Variants in RPS6KA2 observed in about 807,000 individuals in gnomAD.
The protein encoded by RPS6KA2 is ribosomal protein S6 kinase A2.
Under a neutral mutation model 91.8 loss-of-function variants are expected in RPS6KA2, and 42 were observed. That is an observed-to-expected ratio of 0.46 (90% CI 0.36 to 0.59). RPS6KA2 has a LOEUF of 0.59. RPS6KA2 is among the 20% of genes least tolerant of loss of function. RPS6KA2 has a pLI of 0.00. For missense variants in RPS6KA2, 798 were observed against 978.5 expected (o/e 0.82, Z 2.46); for synonymous variants, 414 against 393.6 (o/e 1.05, Z -0.61).
chr6:166,436,900 G>T (rs1009717696), intron 14 of RPS6KA2, among the ~76,000 whole-genome samples: 1 of 152,128 alleles, frequency 6.6e-6, no homozygotes, highest in Non-Finnish European at 1.5e-5. Context: ...CCCCTGACCC[G>T]GGAGAATTAA....
intron 2 of RPS6KA2, among the ~76,000 whole-genome samples, chr6:166,660,305 T>C (rs755345117): frequency 2.6e-5 from 4 of 151,758 alleles, no homozygotes; most frequent in Non-Finnish European, 5.9e-5. Flanking sequence ...TCTCATTGTG[T>C]GTGTGCATGT....
intron 1 of RPS6KA2, among the ~76,000 whole-genome samples, chr6:166,568,069 T>C (rs112578941): frequency 0.033 from 4,969 of 152,262 alleles, 277 homozygotes; most frequent in African/African-American, 0.11. Context: ...AATCGGCCCT[T>C]GGACATCCTG....
chr6:166,488,743 G>T (rs75127424), intron 10 of RPS6KA2, 90 bp downstream of exon 10: 17,767 of 990,462 alleles, frequency 0.018, 335 homozygotes, highest in African/African-American at 0.072. Flanking sequence ...CATTGGGCCG[G>T]AGCAGGAGGG....
At chr6:166,815,719 A>T (rs1489783241) in intron 2 of RPS6KA2, among the ~76,000 whole-genome samples, 1 of 152,226 alleles carries the variant, frequency 6.6e-6, no homozygotes, top group Non-Finnish European at 1.5e-5. Flanking sequence ...GGAATTAAAG[A>T]GGAAGAGACA....
At chr6:166,834,830 A>ATTATTTAT (rs34377390) in intron 2 of RPS6KA2, among the ~76,000 whole-genome samples, 1,027 of 65,618 alleles carry the variant, frequency 0.016, 41 homozygotes, top group East Asian at 0.15. Flanking sequence ...ATGGCGTCCT[A>ATTATTTAT]TTATTTATTT....
chr6:166,471,195 C>T (rs1044986514), intron 10 of RPS6KA2, among the ~76,000 whole-genome samples: 3 of 152,224 alleles, frequency 2.0e-5, no homozygotes, highest in Admixed American at 6.5e-5. Context: ...CGGGGCTGCC[C>T]GGGGATGCTG....
chr6:166,850,302 A>G (rs1780707000), intron 2 of RPS6KA2, among the ~76,000 whole-genome samples: 1 of 150,112 alleles, frequency 6.7e-6, no homozygotes, highest in African/African-American at 2.5e-5. Flanking sequence ...CACACACAGC[A>G]TTATCTATGG....
chr6:166,825,157 G>C lies in RPS6KA2; in HGVS notation c.123+33043C>G, dbSNP rs1780021708. ...TGATCAGGAATCCATTTCAAAGCCA[G>C]AGCAGAGCGGGCTCCCCACAAATGG... is the stretch of plus-strand genomic sequence containing the variant. On this transcript the variant is annotated intron_variant, in intron 2 of 21. Transcript: ENST00000503859. The surrounding 1 kb of genome is among the most constrained non-coding windows in gnomAD (Gnocchi z 4.1). 2.0e-5 allele frequency among the ~76,000 whole-genome samples: 3 copies of C among 152,234 alleles called. No homozygotes were observed. In the South Asian group the frequency reaches 6.2e-4, roughly 31 times the overall value.
intron 2 of RPS6KA2, among the ~76,000 whole-genome samples, chr6:166,710,822 A>G (rs1400224985): frequency 1.3e-5 from 2 of 152,130 alleles, no homozygotes; most frequent in Non-Finnish European, 2.9e-5. Flanking sequence ...CCTCATGTGT[A>G]CTAGACCTGA....
At chr6:166,507,106 G>C (rs1476675888) in intron 5 of RPS6KA2, among the ~76,000 whole-genome samples, 3 of 151,980 alleles carry the variant, frequency 2.0e-5, no homozygotes, top group African/African-American at 7.3e-5. Context: ...CGATGCTCCC[G>C]AACAGCCCCA....
chr6:166,736,062 C>G lies in RPS6KA2; in HGVS notation c.123+122138G>C, dbSNP rs539849468. ...AGACCCCTCGACCAATGCAGAACAG[C>G]TGATTTTCTAGTTATTTATCACCTA... is the stretch of plus-strand genomic sequence containing the variant. On this transcript the variant is annotated intron_variant, in intron 2 of 21. Transcript: ENST00000503859. 1.1e-4 allele frequency among the ~76,000 whole-genome samples: 17 copies of G among 152,290 alleles called. No homozygotes were observed. In the South Asian group the frequency reaches 2.7e-3, roughly 24 times the overall value.
chr6:166,567,208 C>A lies in RPS6KA2; in HGVS notation c.100-28424G>T, dbSNP rs543150515. 6.6e-5 allele frequency among the ~76,000 whole-genome samples: 10 copies of A among 152,276 alleles called. No individual in the cohort carries two copies. The East Asian group carries it at 1.7e-3, about 26-fold the overall frequency. On this transcript the variant is annotated intron_variant, in intron 1 of 20. Coordinates refer to ENST00000265678, the MANE Select transcript of RPS6KA2 (RefSeq NM_021135.6). The stretch of plus-strand genomic sequence containing the variant: ...CGGCCATGAGTCACATCCATGGTGG[C>A]AAATCGGATGTTCTTTCCTAAGTGG...
In RPS6KA2 at chr6:166,827,256, CAAAAAAAAAAAAAA is replaced by C. The variant is rs56296433; in HGVS notation, c.123+30930_123+30943del. ...GCACAAAGGCCATCACAACCTTATA[CAAAAAAAAAAAAAA>C]AAAAAAAAAAAAAAAAATGCTTCTG... On this transcript the variant is annotated intron_variant, in intron 2 of 21. Coordinates refer to the RPS6KA2 transcript ENST00000503859. 5.1e-3 allele frequency among the ~76,000 whole-genome samples: 481 copies of C among 94,478 alleles called. 3 individuals are homozygous for C. Among genetic ancestry groups the C allele is most frequent in the African/African-American group, 0.015 (363 of 23,690 alleles). The allele number at this position is 94,478 out of a possible 152,430, so 62.0% of individuals were successfully genotyped here.
chr6:166,452,263 T>A (rs1192694391), intron 12 of RPS6KA2, among the ~76,000 whole-genome samples: 7 of 152,138 alleles, frequency 4.6e-5, no homozygotes, highest in African/African-American at 1.7e-4. Context: ...AAATTAAAAA[T>A]TTTGAAAGTA....
At chr6:166,618,843 C>T (rs944842190) in intron 1 of RPS6KA2, among the ~76,000 whole-genome samples, 4 of 152,228 alleles carry the variant, frequency 2.6e-5, no homozygotes, top group Non-Finnish European at 5.9e-5. Flanking sequence ...GCCTTGACAC[C>T]GCAGTACGAC....
intron 1 of RPS6KA2, among the ~76,000 whole-genome samples, chr6:166,858,754 G>C (rs1536644): frequency 6.6e-6 from 1 of 152,164 alleles, no homozygotes; most frequent in Non-Finnish European, 1.5e-5. Flanking sequence ...CCCATAAAAC[G>C]TAAAGCAAGT....
intron 1 of RPS6KA2, among the ~76,000 whole-genome samples, chr6:166,625,818 T>C (rs1380031023): frequency 6.6e-6 from 1 of 152,240 alleles, no homozygotes; most frequent in Admixed American, 6.5e-5. Flanking sequence ...ATACTGATCC[T>C]ATCTAGTACT....
chr6:166,754,667 T>TG (rs1418132993), intron 2 of RPS6KA2, among the ~76,000 whole-genome samples: 3 of 152,100 alleles, frequency 2.0e-5, no homozygotes, highest in Admixed American at 2.0e-4. Context: ...TTAGAAACCC[T>TG]GGGGGAGCAG....
intron 10 of RPS6KA2, among the ~76,000 whole-genome samples, chr6:166,487,492 G>T (rs1413528430): frequency 6.6e-6 from 1 of 152,108 alleles, no homozygotes; most frequent in Non-Finnish European, 1.5e-5. Flanking sequence ...GTGGACAAAG[G>T]CGCTGACAGT....
Sources: allele counts gnomAD v4.1 joint callset (sites outside exome capture counted in the v4.1 genomes callset), GRCh38; gene constraint gnomAD v4.1.1; non-coding constraint Gnocchi (gnomAD v3.1); transcripts MANE v1.5; gene names NCBI Gene and HGNC (gene_info 2026-07-23, HGNC 2026-07-21).